The following PSPH variants were observed in gnomAD, a reference collection of about 807,000 sequenced individuals.
PSPH encodes the protein L-3-phosphoserine phosphatase.
Under a neutral mutation model 23.4 loss-of-function variants are expected in PSPH, and 16 were observed. That is an observed-to-expected ratio of 0.68 (90% CI 0.46 to 1.04). The LOEUF (loss-of-function observed/expected upper bound fraction) is 1.04. Among genes scored for constraint, PSPH ranks in the 50% least tolerant of loss-of-function variants. PSPH has a pLI of 0.00. For missense variants in PSPH, 223 were observed against 273.7 expected (o/e 0.81, Z 1.31); for synonymous variants, 68 against 99.7 (o/e 0.68, Z 1.89).
Position 56,051,379 on chromosome 7 carries a change from T to C in PSPH, c.-533A>G, listed in dbSNP as rs1794019917. ...GCATGATTCCGGGGGAGGGTGCTTA[T>C]CAGACTCGCGTGTGGCCCCACGGCA... On this transcript the variant is annotated 5_prime_UTR_variant, in exon 1 of 8. Transcript: ENST00000275605. 5.3e-6 allele frequency: 1 copy of C among 190,202 alleles called. No individual in the cohort carries two copies. The highest frequency in any genetic ancestry group is 2.4e-5 in the African/African-American group (1 of 41,608). 11.8% of individuals were successfully genotyped at this position (190,202 alleles called of 1,614,324 possible).
At chr7:56,039,683 G>A (rs1792224794) in intron 1 of PSPH, among the ~76,000 whole-genome samples, 2 of 149,910 alleles carry the variant, frequency 1.3e-5, no homozygotes, top group South Asian at 2.1e-4. Context: ...GGCTGAAGCA[G>A]GGAAATCGCT....
intron 1 of PSPH, among the ~76,000 whole-genome samples, chr7:56,040,066 T>G (rs2117075433): frequency 6.6e-6 from 1 of 150,818 alleles, no homozygotes; most frequent in African/African-American, 2.4e-5. Context: ...GCCACTGCAC[T>G]CCAGCCTGGG....
chr7:56,024,804 C>CTTTTTTT (rs11394881), intron 3 of PSPH, among the ~76,000 whole-genome samples: 1 of 130,100 alleles, frequency 7.7e-6, no homozygotes, highest in Non-Finnish European at 1.6e-5. Context: ...ATTAATAAAT[C>CTTTTTTT]TTTTTTTTTT....
At chr7:56,045,023 G>C (rs562430028) in intron 1 of PSPH, among the ~76,000 whole-genome samples, 11 of 145,714 alleles carry the variant, frequency 7.5e-5, no homozygotes, top group Non-Finnish European at 7.4e-5. Context: ...AGTGAGCTGA[G>C]ATCGTGCCAT....
intron 1 of PSPH, among the ~76,000 whole-genome samples, chr7:56,048,027 C>T (rs1346164281): frequency 6.6e-6 from 1 of 151,934 alleles, no homozygotes; most frequent in African/African-American, 2.4e-5. Context: ...GCCTGTAATC[C>T]CGGCACTTTG....
At chr7:56,029,326 C>T (rs976507157) in intron 3 of PSPH, among the ~76,000 whole-genome samples, 9 of 151,980 alleles carry the variant, frequency 5.9e-5, no homozygotes, top group Non-Finnish European at 7.4e-5. Flanking sequence ...AGGGAGAGGG[C>T]AGGGCCAGGG....
chr7:56,013,115 T>A (rs945255006), intron 7 of PSPH, among the ~76,000 whole-genome samples: 3 of 130,190 alleles, frequency 2.3e-5, no homozygotes, highest in Admixed American at 8.1e-5. Flanking sequence ...GTGTATATAT[T>A]TATATACACA....
chr7:56,015,221 C>T, intron 6 of PSPH, 50 bp from the exon 7 acceptor site: 1 of 1,594,842 alleles, frequency 6.3e-7, no homozygotes, highest in Non-Finnish European at 8.6e-7. Context: ...AGTATCTGAC[C>T]AATGCCAGCT....
intron 1 of PSPH, among the ~76,000 whole-genome samples, chr7:56,036,796 A>G (rs186608655): frequency 6.6e-6 from 1 of 152,308 alleles, no homozygotes; most frequent in African/African-American, 2.4e-5. Flanking sequence ...GTTGCCTAGA[A>G]GACACTAATG....
intron 1 of PSPH, among the ~76,000 whole-genome samples, chr7:56,043,666 CCT>C (rs59055869): frequency 0.21 from 29,197 of 142,014 alleles, 3,216 homozygotes; most frequent in East Asian, 0.37. Flanking sequence ...CACCCCAACC[CCT>C]GTCTCTACAA....
chr7:56,015,862 T>G (rs1031336287), intron 6 of PSPH, among the ~76,000 whole-genome samples: 3 of 151,830 alleles, frequency 2.0e-5, no homozygotes, highest in Non-Finnish European at 4.4e-5. Flanking sequence ...TTTGCCACAT[T>G]GGCCAGGCTG....
At chr7:56,037,286 A>G (rs1340383828) in intron 1 of PSPH, among the ~76,000 whole-genome samples, 2 of 152,236 alleles carry the variant, frequency 1.3e-5, no homozygotes, top group African/African-American at 2.4e-5. Flanking sequence ...ATAATAGCAC[A>G]TAAGAACCAA....
At chr7:56,046,553 A>AG (rs1331316281) in intron 1 of PSPH, among the ~76,000 whole-genome samples, 1 of 151,996 alleles carries the variant, frequency 6.6e-6, no homozygotes, top group Non-Finnish European at 1.5e-5. Context: ...TGGGAGGCCG[A>AG]GGGGGCAAAT....
At chr7:56,039,596 T>C (rs980114256) in intron 1 of PSPH, among the ~76,000 whole-genome samples, 3 of 149,666 alleles carry the variant, frequency 2.0e-5, no homozygotes, top group African/African-American at 7.4e-5. Flanking sequence ...GCCAACATGG[T>C]GAAAGCCCAT....
intron 7 of PSPH, among the ~76,000 whole-genome samples, chr7:56,012,628 A>G (rs1788037119): frequency 6.6e-6 from 1 of 151,598 alleles, no homozygotes; most frequent in Admixed American, 6.6e-5. Flanking sequence ...GCTAACAGTA[A>G]AAAGACTCAA....
intron 7 of PSPH, among the ~76,000 whole-genome samples, chr7:56,012,679 T>A (rs1788043400): frequency 6.6e-6 from 1 of 150,996 alleles, no homozygotes; most frequent in Admixed American, 6.6e-5. Context: ...AATCCAGCAC[T>A]TTGGGAGGCT....
intron 1 of PSPH, among the ~76,000 whole-genome samples, chr7:56,042,373 G>A (rs563775203): frequency 4.6e-5 from 7 of 152,034 alleles, no homozygotes; most frequent in African/African-American, 1.2e-4. Context: ...GAAGGGAGCC[G>A]GGCACAGTGA....
chr7:56,039,774 CAAA>C (rs67220264), intron 1 of PSPH, among the ~76,000 whole-genome samples: 1 of 64,986 alleles, frequency 1.5e-5, no homozygotes, highest in Non-Finnish European at 2.9e-5. Context: ...GACTCTGTCT[CAAA>C]AAAAAAAAAA....
chr7:56,030,426 A>C (rs1790810528), intron 3 of PSPH, among the ~76,000 whole-genome samples: 1 of 150,306 alleles, frequency 6.7e-6, no homozygotes, highest in African/African-American at 2.4e-5. Context: ...GCCCGGCCTA[A>C]AAAAAAAAGC....
Sources: allele counts gnomAD v4.1 joint callset (sites outside exome capture counted in the v4.1 genomes callset), GRCh38; gene constraint gnomAD v4.1.1; transcripts MANE v1.5; gene names NCBI Gene and HGNC (gene_info 2026-07-23, HGNC 2026-07-21).